Variants in PINX1 observed in about 807,000 individuals in gnomAD.
PINX1 encodes the protein PIN2/TERF1-interacting telomerase inhibitor 1.
PINX1 carries 34 observed loss-of-function variants against 25.4 expected under a neutral mutation model. The ratio of observed to expected loss-of-function variants is 1.34; its 90% CI spans 1.02 to 1.78. PINX1 has a LOEUF of 1.78. Among genes scored for constraint, PINX1 ranks in the 40% most tolerant of loss-of-function variants. PINX1 has a pLI of 0.00. For synonymous variants in PINX1, 197 were observed against 147.7 expected (o/e 1.33, Z -2.42); for missense variants, 592 against 404.9 (o/e 1.46, Z -3.97).
chr8:10,789,324 T>C (rs1801849881), intron 6 of PINX1, among the ~76,000 whole-genome samples: 1 of 152,190 alleles, frequency 6.6e-6, no homozygotes, highest in Non-Finnish European at 1.5e-5. Context: ...GACTCTATGT[T>C]TAAGGTGTGC....
chr8:10,774,581 G>A (rs1156311981), intron 6 of PINX1, among the ~76,000 whole-genome samples: 1 of 152,132 alleles, frequency 6.6e-6, no homozygotes, highest in Non-Finnish European at 1.5e-5. Flanking sequence ...GTGCCCAGCC[G>A]AATAAGGTCT....
intron 6 of PINX1, among the ~76,000 whole-genome samples, chr8:10,778,154 GAAA>G (rs1197723527): frequency 6.6e-6 from 1 of 151,918 alleles, no homozygotes; most frequent in African/African-American, 2.4e-5. Context: ...ATAACTCTTG[GAAA>G]AAAACCTAGA....
rs1035779135 is a variant in PINX1 at position 10,810,376 on chromosome 8, T to C, written c.471+9817A>G. Among the ~76,000 whole-genome samples the C allele has an allele frequency of 2.0e-5, 3 of 152,178 alleles. No individual in the cohort carries two copies. The East Asian group carries it at 5.8e-4, about 29-fold the overall frequency. ...TCGTGGCTCATGCTGCTTTTGCCTT[T>C]TGATGCCTTGTCCAGCCAGAGAACT... On this transcript the variant is annotated intron_variant, in intron 6 of 6. Coordinates refer to ENST00000314787, the MANE Select transcript of PINX1 (RefSeq NM_017884.6).
intron 6 of PINX1, among the ~76,000 whole-genome samples, chr8:10,806,816 G>T (rs767298177): frequency 6.6e-6 from 1 of 152,122 alleles, no homozygotes. Context: ...GGGCATGTAG[G>T]AGGACCTCCC....
At chr8:10,777,165 G>C (rs1478688312) in intron 6 of PINX1, among the ~76,000 whole-genome samples, 1 of 152,180 alleles carries the variant, frequency 6.6e-6, no homozygotes, top group Non-Finnish European at 1.5e-5. Flanking sequence ...TGGGTGTGTT[G>C]GCAGGCCCTG....
intron 6 of PINX1, among the ~76,000 whole-genome samples, chr8:10,806,458 G>T (rs1454004691): frequency 6.6e-6 from 1 of 152,150 alleles, no homozygotes; most frequent in Non-Finnish European, 1.5e-5. Context: ...TCTAAGATTT[G>T]AAAAATGCAA....
chr8:10,811,605 C>T (rs896383190), intron 6 of PINX1, among the ~76,000 whole-genome samples: 12 of 152,130 alleles, frequency 7.9e-5, no homozygotes, highest in South Asian at 4.1e-4. Context: ...GTCTCTCACG[C>T]GGATATTGTC....
chr8:10,810,217 C>T (rs1023660813), intron 6 of PINX1, among the ~76,000 whole-genome samples: 3 of 152,222 alleles, frequency 2.0e-5, no homozygotes, highest in African/African-American at 4.8e-5. Context: ...AGGGGACACA[C>T]GTCCAAACCA....
intron 5 of PINX1, chr8:10,825,335 A>C (rs1317867322): frequency 3.7e-6 from 2 of 534,660 alleles, no homozygotes; most frequent in Non-Finnish European, 7.7e-6. Context: ...AAACACATCC[A>C]ACCTCCCAGG....
chr8:10,791,885 G>C (rs1367119462), intron 6 of PINX1, among the ~76,000 whole-genome samples: 1 of 152,186 alleles, frequency 6.6e-6, no homozygotes, highest in African/African-American at 2.4e-5. Flanking sequence ...CCTCTTCCAG[G>C]TTGACAAGAA....
intron 6 of PINX1, among the ~76,000 whole-genome samples, chr8:10,800,203 T>G (rs914697136): frequency 5.9e-5 from 9 of 152,262 alleles, no homozygotes; most frequent in Admixed American, 5.9e-4. Flanking sequence ...AAGAGTCTGA[T>G]GTACAGCATT....
chr8:10,832,818 C>T (rs1406616653), intron 3 of PINX1, 74 bp downstream of exon 3: 7 of 817,994 alleles, frequency 8.6e-6, no homozygotes, highest in Non-Finnish European at 1.4e-5. Context: ...AGCAGATGAA[C>T]CAATCAACTT....
chr8:10,813,814 G>A (rs1797610181), intron 6 of PINX1, among the ~76,000 whole-genome samples: 1 of 151,352 alleles, frequency 6.6e-6, no homozygotes, highest in South Asian at 2.1e-4. Flanking sequence ...CCTCACTCTG[G>A]TTTCGGAGTA....
rs973083789 is a variant in PINX1 at position 10,815,805 on chromosome 8, T to C, written c.471+4388A>G. 3.4e-4 allele frequency among the ~76,000 whole-genome samples: 51 copies of C among 152,194 alleles called. 1 individual carries two copies. The highest frequency in any genetic ancestry group is 3.3e-3 in the Admixed American group (51 of 15,276). Reference sequence around the variant, plus strand: ...AAGTAAATGATTTAACCAATTGGAGTGAACTTTAAAGACATCAAATGATTT... The same window carrying C: ...AAGTAAATGATTTAACCAATTGGAGCGAACTTTAAAGACATCAAATGATTT... On this transcript the variant is annotated intron_variant, in intron 6 of 6. Transcript: ENST00000314787.
intron 4 of PINX1, among the ~76,000 whole-genome samples, chr8:10,829,458 G>A (rs1357424866): frequency 6.6e-6 from 1 of 152,052 alleles, no homozygotes; most frequent in Non-Finnish European, 1.5e-5. Context: ...TTTCTTAGAT[G>A]TTATAATGCA....
At chr8:10,777,163 T>A (rs1191155823) in intron 6 of PINX1, among the ~76,000 whole-genome samples, 1 of 152,226 alleles carries the variant, frequency 6.6e-6, no homozygotes, top group Admixed American at 6.5e-5. Context: ...CTTGGGTGTG[T>A]TGGCAGGCCC....
chr8:10,806,227 G>C (rs1369749747), intron 6 of PINX1, among the ~76,000 whole-genome samples: 3 of 152,202 alleles, frequency 2.0e-5, no homozygotes, highest in Admixed American at 1.3e-4. Flanking sequence ...GGAGGAGGCA[G>C]AGCACCATCT....
At chr8:10,803,431 C>T (rs530808109) in intron 6 of PINX1, among the ~76,000 whole-genome samples, 105 of 152,322 alleles carry the variant, frequency 6.9e-4, no homozygotes, top group African/African-American at 2.4e-3. Flanking sequence ...CCTACACTAG[C>T]GCATGATACT....
At chr8:10,825,635 G>A (rs998904746) in intron 5 of PINX1, among the ~76,000 whole-genome samples, 2 of 152,164 alleles carry the variant, frequency 1.3e-5, no homozygotes, top group South Asian at 4.1e-4. Flanking sequence ...TACCCGACTT[G>A]GCAATGACTA....
Sources: allele counts gnomAD v4.1 joint callset (sites outside exome capture counted in the v4.1 genomes callset), GRCh38; gene constraint gnomAD v4.1.1; transcripts MANE v1.5; gene names NCBI Gene and HGNC (gene_info 2026-07-23, HGNC 2026-07-21).